The following CNTN5 variants were observed in gnomAD, a reference collection of about 807,000 sequenced individuals.
CNTN5 encodes contactin-5.
A neutral mutation model predicts 129.1 loss-of-function variants in CNTN5; 77 were observed. The ratio of observed to expected loss-of-function variants is 0.60; its 90% CI spans 0.50 to 0.72. The LOEUF is 0.72. Ranked by LOEUF, CNTN5 falls within the 30% of genes least tolerant of loss-of-function variation. The probability of loss-of-function intolerance (pLI) is 0.00; values close to 1 mark genes in which losing one functional copy is unlikely to be tolerated. For synonymous variants in CNTN5, 509 were observed against 465.6 expected, an observed-to-expected ratio of 1.09 and a Z score of -1.20; for missense variants, 1,478 against 1,328.8, an observed-to-expected ratio of 1.11 and a Z score of -1.75.
chr11:99,945,874 A>G (rs1950543926), intron 7 of CNTN5, among the ~76,000 whole-genome samples: 1 of 151,900 alleles, frequency 6.6e-6, no homozygotes, highest in Non-Finnish European at 1.5e-5. Flanking sequence ...ATTTCATGTC[A>G]CTCTACTATA....
intron 16 of CNTN5, among the ~76,000 whole-genome samples, chr11:100,225,937 G>C (rs577998187): frequency 1.1e-4 from 16 of 152,134 alleles, no homozygotes; most frequent in African/African-American, 3.4e-4. Flanking sequence ...AATGTATATG[G>C]GTTTTGGTAG....
At chr11:100,353,524 A>G (rs1378547480) in intron 24 of CNTN5, among the ~76,000 whole-genome samples, 1 of 151,644 alleles carries the variant, frequency 6.6e-6, no homozygotes, top group Non-Finnish European at 1.5e-5. Context: ...TTTTTATAAA[A>G]GTGTCAGGTA....
At chr11:99,219,214 T>G (rs1281598882) in intron 1 of CNTN5, among the ~76,000 whole-genome samples, 1 of 151,992 alleles carries the variant, frequency 6.6e-6, no homozygotes, top group East Asian at 1.9e-4. Context: ...AGCTTACAGT[T>G]TGCAAATATT....
At chr11:99,107,035 A>G (rs1462714325) in intron 1 of CNTN5, among the ~76,000 whole-genome samples, 1 of 152,168 alleles carries the variant, frequency 6.6e-6, no homozygotes. Flanking sequence ...CTTTGAAGGT[A>G]CCTATCCAAA....
chr11:99,868,556 C>T (rs949651808), intron 6 of CNTN5, among the ~76,000 whole-genome samples: 1 of 152,108 alleles, frequency 6.6e-6, no homozygotes, highest in African/African-American at 2.4e-5. Flanking sequence ...GCAAACTATT[C>T]ATATAGTAAA....
chr11:100,103,874 C>T (rs1425716063), intron 13 of CNTN5, among the ~76,000 whole-genome samples: 1 of 152,132 alleles, frequency 6.6e-6, no homozygotes, highest in Non-Finnish European at 1.5e-5. Flanking sequence ...TATTTGCCAA[C>T]ATACCCACAA....
At chr11:99,993,354 C>A (rs1939242271) in intron 8 of CNTN5, among the ~76,000 whole-genome samples, 1 of 152,162 alleles carries the variant, frequency 6.6e-6, no homozygotes, top group South Asian at 2.1e-4. Context: ...AGTTACTTGA[C>A]CTCTTTGACT....
At chr11:99,441,748 A>G (rs538476912) in intron 2 of CNTN5, among the ~76,000 whole-genome samples, 7 of 152,364 alleles carry the variant, frequency 4.6e-5, no homozygotes, top group African/African-American at 1.7e-4. Context: ...TCTTGGCCAT[A>G]TTAGTAACTC....
At chr11:99,096,007 T>C (rs1565313488) in intron 1 of CNTN5, among the ~76,000 whole-genome samples, 1 of 151,944 alleles carries the variant, frequency 6.6e-6, no homozygotes. Context: ...TCAAACAGCA[T>C]CAATATTTAA....
intron 3 of CNTN5, among the ~76,000 whole-genome samples, chr11:99,652,119 C>G (rs1952179799): frequency 6.6e-6 from 1 of 152,026 alleles, no homozygotes; most frequent in African/African-American, 2.4e-5. Flanking sequence ...AGTCTTATCT[C>G]TCATCTGAAG....
intron 9 of CNTN5, among the ~76,000 whole-genome samples, chr11:100,046,229 CT>C (rs2137710514): frequency 6.6e-6 from 1 of 152,242 alleles, no homozygotes; most frequent in South Asian, 2.1e-4. Context: ...TTGGTCTATA[CT>C]GTTTTGATGT....
In CNTN5 at chr11:99,396,348, T is replaced by A. The variant is rs117606687; in HGVS notation, c.-71+70864T>A. Among the ~76,000 whole-genome samples the A allele has an allele frequency of 9.6e-3, 1,463 of 151,740 alleles. 9 individuals are homozygous for A. Among genetic ancestry groups the A allele is most frequent in the South Asian group, 0.023 (113 of 4,824 alleles). ...CTTGCAATTCTTAAAGTAACTTTTG[T>A]TTCTAAATAAAATATAGAGAAACTC... On this transcript the variant is annotated intron_variant, in intron 2 of 24. Coordinates refer to ENST00000524871, the MANE Select transcript of CNTN5 (RefSeq NM_014361.4).
At chr11:100,139,779 A>C (rs559913458) in intron 13 of CNTN5, among the ~76,000 whole-genome samples, 1 of 152,148 alleles carries the variant, frequency 6.6e-6, no homozygotes, top group East Asian at 1.9e-4. Flanking sequence ...CAGGAGAATC[A>C]CTTGAACCTG....
At chr11:99,697,999 C>T in intron 3 of CNTN5, among the ~76,000 whole-genome samples, 1 of 151,054 alleles carries the variant, frequency 6.6e-6, no homozygotes, top group East Asian at 1.9e-4. Flanking sequence ...GAACATTAAC[C>T]GTTTCGACGA....
chr11:99,765,444 A>C (rs375525095), intron 3 of CNTN5, among the ~76,000 whole-genome samples: 3 of 151,840 alleles, frequency 2.0e-5, no homozygotes, highest in African/African-American at 4.8e-5. Flanking sequence ...GGATCATAAG[A>C]CACAACTATA....
chr11:99,626,380 G>C (rs926589277), intron 3 of CNTN5, among the ~76,000 whole-genome samples: 8 of 152,258 alleles, frequency 5.3e-5, no homozygotes, highest in African/African-American at 1.9e-4. Context: ...ACACTTTAAA[G>C]ACTGTTTTAG....
At chr11:99,102,689 A>G (rs777232178) in intron 1 of CNTN5, among the ~76,000 whole-genome samples, 1 of 152,158 alleles carries the variant, frequency 6.6e-6, no homozygotes, top group Non-Finnish European at 1.5e-5. Flanking sequence ...TTCATTGTCT[A>G]TATCGTTATC....
chr11:99,168,301 C>T lies in CNTN5; in HGVS notation c.-210+147031C>T, dbSNP rs942071287. 1.1e-4 allele frequency among the ~76,000 whole-genome samples: 16 copies of T among 151,852 alleles called. No homozygotes were observed. The East Asian group carries it at 1.7e-3, about 17-fold the overall frequency. Reference sequence around the variant, plus strand: ...AGTTGAGGCTGGGTGTGATGGCTCACGCCTGTAATGCCAGCACTTTGGGAG... The same window carrying T: ...AGTTGAGGCTGGGTGTGATGGCTCATGCCTGTAATGCCAGCACTTTGGGAG... On this transcript the variant is annotated intron_variant, in intron 1 of 24. Transcript: ENST00000524871.
At chr11:99,564,263 T>A (rs1948935821) in intron 3 of CNTN5, among the ~76,000 whole-genome samples, 1 of 152,054 alleles carries the variant, frequency 6.6e-6, no homozygotes, top group South Asian at 2.1e-4. Context: ...TTTATTTTTA[T>A]TTTTTATTTT....
Sources: gnomAD v4.1 joint callset for allele counts (sites outside exome capture counted in the v4.1 genomes callset) on GRCh38, gnomAD v4.1.1 for gene constraint, MANE v1.5 for transcripts, NCBI Gene and HGNC (gene_info 2026-07-23, HGNC 2026-07-21) for gene names.